TRIM67: variants seen among roughly 807,000 people sequenced by gnomAD.
The protein encoded by TRIM67 is tripartite motif containing 67.
In TRIM67, 39 loss-of-function variants were observed where a neutral mutation model predicts 71.0. That is an observed-to-expected ratio of 0.55 (90% confidence interval 0.43 to 0.72). The LOEUF (loss-of-function observed/expected upper bound fraction) is 0.72, where lower values mean the gene tolerates loss of function less well. TRIM67 is among the 30% of genes least tolerant of loss of function. The pLI, the probability that TRIM67 is intolerant of heterozygous loss-of-function variation, is 0.00. For missense variants in TRIM67, 973 were observed against 1,079.2 expected (o/e 0.90, Z 1.38); for synonymous variants, 481 against 473.9 (o/e 1.01, Z -0.19).
chr1:231,215,172 G>A (rs968579071), intron 9 of TRIM67, among the ~76,000 whole-genome samples: 1 of 152,214 alleles, frequency 6.6e-6, no homozygotes, highest in African/African-American at 2.4e-5. Flanking sequence ...TTCTTATTAT[G>A]AGGAAAGAGG....
chr1:231,212,792 G>GC (rs1262014343), intron 8 of TRIM67, among the ~76,000 whole-genome samples: 1 of 152,040 alleles, frequency 6.6e-6, no homozygotes, highest in Admixed American at 6.6e-5. Flanking sequence ...GGTCAGCCAA[G>GC]CCCCCCCTTG....
intron 6 of TRIM67, among the ~76,000 whole-genome samples, chr1:231,204,668 A>C (rs1331867773): frequency 2.0e-5 from 3 of 152,186 alleles, no homozygotes; most frequent in African/African-American, 7.2e-5. Context: ...AATGCCAGAG[A>C]GCACAAACTC....
rs1451800745 is a variant in TRIM67 at position 231,211,047 on chromosome 1, TA to T, written c.2123+1798del. 4.5e-3 allele frequency among the ~76,000 whole-genome samples: 608 copies of T among 136,306 alleles called. 4 individuals are homozygous for T. Among genetic ancestry groups the T allele is most frequent in the African/African-American group, 0.018 (583 of 33,306 alleles). The allele number at this position is 136,306 out of a possible 152,430, so 89.4% of individuals were successfully genotyped here. Reference sequence around the variant, plus strand: ...AAAAAAAAAAATATATATATATATATATATTTTGTTTGTTTGTTTAATATAT... The same window carrying T: ...AAAAAAAAAAATATATATATATATATTATTTTGTTTGTTTGTTTAATATAT... On this transcript the variant is annotated intron_variant, in intron 8 of 9. Coordinates refer to ENST00000366653, the MANE Select transcript of TRIM67 (RefSeq NM_001004342.5).
intron 2 of TRIM67, 117 bp from the exon 3 acceptor site, chr1:231,198,930 G>C (rs968321850): frequency 6.6e-7 from 1 of 1,506,928 alleles, no homozygotes; most frequent in African/African-American, 1.4e-5. Flanking sequence ...CAACATTATA[G>C]AGAAATCTAG....
At chr1:231,165,521 G>A (rs1049608931) in intron 1 of TRIM67, among the ~76,000 whole-genome samples, 2 of 152,178 alleles carry the variant, frequency 1.3e-5, no homozygotes, top group African/African-American at 4.8e-5. Context: ...AAGCTACAGG[G>A]AAGTAGCAAA....
rs1002845947 is a variant in TRIM67, at chr1:231,220,508, G to C, written c.*5068G>C. 4 of 153,218 alleles carry C rather than the reference G, an allele frequency of 2.6e-5. No individual in the cohort carries two copies. Among genetic ancestry groups the C allele is most frequent in the African/African-American group, 9.7e-5 (4 of 41,448 alleles). 9.5% of individuals were successfully genotyped at this position (153,218 alleles called of 1,614,324 possible). On this transcript the variant is annotated 3_prime_UTR_variant, in exon 10 of 10. Coordinates refer to ENST00000366653, the MANE Select transcript of TRIM67 (RefSeq NM_001004342.5). ...TAAGGGGTCTCTCATCTCACAGCTTGCCTCCTTTGTTTCGAGGGGTCTCTG... is the reference window on the plus strand; with the variant it reads ...TAAGGGGTCTCTCATCTCACAGCTTCCCTCCTTTGTTTCGAGGGGTCTCTG...
chr1:231,197,991 T>A (rs1177412640), intron 2 of TRIM67, among the ~76,000 whole-genome samples: 1 of 152,166 alleles, frequency 6.6e-6, no homozygotes, highest in Non-Finnish European at 1.5e-5. Context: ...CATATTCAAC[T>A]CATTGGCACA....
intron 5 of TRIM67, among the ~76,000 whole-genome samples, chr1:231,202,695 A>G (rs546447869): frequency 3.3e-4 from 50 of 152,264 alleles, no homozygotes; most frequent in African/African-American, 1.2e-3. Context: ...CTAAAGAAGG[A>G]AGTCTCTCTC....
chr1:231,166,713 G>A (rs1455420417), intron 1 of TRIM67, among the ~76,000 whole-genome samples: 1 of 152,202 alleles, frequency 6.6e-6, no homozygotes, highest in African/African-American at 2.4e-5. Flanking sequence ...CTTCTGATTA[G>A]TGATTCTTAA....
In TRIM67 at chr1:231,217,221, C is replaced by G; in HGVS notation, c.*1781C>G. 2 of 986,072 alleles carry G rather than the reference C, an allele frequency of 2.0e-6. No homozygotes were observed. The highest frequency in any genetic ancestry group is 4.7e-5 in the South Asian group (1 of 21,292). 61.1% of individuals were successfully genotyped at this position (986,072 alleles called of 1,614,324 possible). A position where few individuals can be genotyped will look rare whatever the true frequency, so the allele number is the denominator to read the frequency against. ...ATGTGGCCGGCAAGGCCAGCTGCCC[C>G]GTCTCCAGGAGCTGCTCGGTGCTGT... On this transcript the variant is annotated 3_prime_UTR_variant, in exon 10 of 10. Coordinates refer to ENST00000366653, the MANE Select transcript of TRIM67 (RefSeq NM_001004342.5).
At chr1:231,187,474 T>C in intron 1 of TRIM67, 1 of 1,449,154 alleles carries the variant, frequency 6.9e-7, no homozygotes, top group Non-Finnish European at 9.2e-7. Context: ...TTTAACTTAT[T>C]AGGCATTATT....
At chr1:231,203,573 C>T (rs1469476308) in intron 5 of TRIM67, among the ~76,000 whole-genome samples, 2 of 152,214 alleles carry the variant, frequency 1.3e-5, no homozygotes, top group Non-Finnish European at 2.9e-5. Context: ...AAGAGGACAT[C>T]CTTCCTTAGG....
chr1:231,175,278 T>C (rs1337953378), intron 1 of TRIM67, among the ~76,000 whole-genome samples: 3 of 152,144 alleles, frequency 2.0e-5, no homozygotes, highest in Non-Finnish European at 4.4e-5. Context: ...TCTACACCTG[T>C]AACCTACTGG....
rs1243498256 is a variant in TRIM67 at position 231,219,907 on chromosome 1, A to G, written c.*4467A>G. ...TGAGGGCAGGTTTCGGGCAGGATGT[A>G]TTGATCAGACACCAAGTTCAGCCCT... On this transcript the variant is annotated 3_prime_UTR_variant, in exon 10 of 10. Coordinates refer to ENST00000366653, the MANE Select transcript of TRIM67 (RefSeq NM_001004342.5). 3 of 1,289,878 alleles carry G rather than the reference A, an allele frequency of 2.3e-6. No homozygotes were observed. Among genetic ancestry groups the G allele is most frequent in the South Asian group, 1.2e-5 (1 of 81,028 alleles). The allele number at this position is 1,289,878 out of a possible 1,614,324, so 79.9% of individuals were successfully genotyped here.
chr1:231,169,368 C>CTTTTTTTTTTTTTTTTTTTTTTTTTTTT (rs775082418), intron 1 of TRIM67, among the ~76,000 whole-genome samples: 1 of 81,660 alleles, frequency 1.2e-5, no homozygotes, highest in Admixed American at 1.6e-4. Context: ...ATTCTTTTCT[C>CTTTTTTTTTTTTTTTTTTTTTTTTTTTT]TTTTTTTTTT....
Position 231,218,197 on chromosome 1 carries a change from A to G in TRIM67, c.*2757A>G. On this transcript the variant is annotated 3_prime_UTR_variant, in exon 10 of 10. Coordinates refer to ENST00000366653, the MANE Select transcript of TRIM67 (RefSeq NM_001004342.5). ...GGAAGGTCCCGGGTTTCAGAGTAGA[A>G]ATGACAGACAGGTCATGGAATTCTC... 1 of 1,021,454 alleles carries G rather than the reference A, an allele frequency of 9.8e-7. No homozygotes were observed. The highest frequency in any genetic ancestry group is 1.2e-6 in the Non-Finnish European group (1 of 850,750). 63.3% of individuals were successfully genotyped at this position (1,021,454 alleles called of 1,614,324 possible). A position where few individuals can be genotyped will look rare whatever the true frequency, so the allele number is the denominator to read the frequency against.
At chr1:231,214,055 A>G in intron 9 of TRIM67, 78 bp downstream of exon 9, 2 of 1,449,308 alleles carry the variant, frequency 1.4e-6, no homozygotes, top group East Asian at 2.5e-5. Context: ...GCCCTTGGGC[A>G]GAGTGGGCCA....
rs1302929502 is a variant in TRIM67 at position 231,163,335 on chromosome 1, C to A, written c.366C>A (p.Pro122=). Reference sequence around the variant, plus strand: ...CCTACACCCCGAGCCTCAAGTCCCCCAACGGGGTTCGCGTGCTGCCCATGG... The same window carrying A: ...CCTACACCCCGAGCCTCAAGTCCCCAAACGGGGTTCGCGTGCTGCCCATGG... ...YGSYTPSLKS[P]NGVRVLPMVP... The change falls in exon 1 of 10, where the codon CCC becomes CCA. Residue 122 remains proline, a synonymous_variant. Transcript: ENST00000366653. 2.6e-6 allele frequency: 4 copies of A among 1,528,286 alleles called. No homozygotes were observed. Among genetic ancestry groups the A allele is most frequent in the Non-Finnish European group, 3.5e-6 (4 of 1,137,250 alleles). The allele number at this position is 1,528,286 out of a possible 1,614,324, so 94.7% of individuals were successfully genotyped here. A position where few individuals can be genotyped will look rare whatever the true frequency, so the allele number is the denominator to read the frequency against.
chr1:231,175,266 G>A (rs1262608914), intron 1 of TRIM67, among the ~76,000 whole-genome samples: 1 of 152,158 alleles, frequency 6.6e-6, no homozygotes, highest in African/African-American at 2.4e-5. Context: ...CCCCAGCAGG[G>A]TTCTACACCT....
Sources: gnomAD v4.1 joint callset for allele counts (sites outside exome capture counted in the v4.1 genomes callset) on GRCh38, gnomAD v4.1.1 for gene constraint, MANE v1.5 for transcripts, NCBI Gene and HGNC (gene_info 2026-07-23, HGNC 2026-07-21) for gene names.